Variants in MELK observed in about 807,000 individuals in gnomAD.
The protein encoded by MELK is maternal embryonic leucine zipper kinase.
MELK carries 81 observed loss-of-function variants against 85.0 expected under a neutral mutation model. The observed-to-expected ratio is 0.95, with a 90% CI of 0.80 to 1.15. The LOEUF (loss-of-function observed/expected upper bound fraction) is 1.15. Ranked by LOEUF, MELK falls within the 50% of genes most tolerant of loss-of-function variation. MELK has a pLI of 0.00. For missense variants in MELK, 754 were observed against 777.5 expected (o/e 0.97, Z 0.36); for synonymous variants, 252 against 265.0 (o/e 0.95, Z 0.48).
At chr9:36,640,674 T>C (rs749991384) in intron 10 of MELK, among the ~76,000 whole-genome samples, 21 of 152,180 alleles carry the variant, frequency 1.4e-4, no homozygotes, top group Admixed American at 6.5e-4. Context: ...AGTCTCCAAC[T>C]CCTGGCTTCA....
intron 12 of MELK, among the ~76,000 whole-genome samples, chr9:36,652,644 C>A (rs958044662): frequency 2.0e-5 from 3 of 148,670 alleles, no homozygotes; most frequent in South Asian, 2.1e-4. Flanking sequence ...GCAGGAGAAT[C>A]GCTTGAACCC....
intron 7 of MELK, chr9:36,606,747 AT>A (rs1357884431): frequency 6.8e-6 from 1 of 147,950 alleles, no homozygotes; most frequent in African/African-American, 2.5e-5. Flanking sequence ...ATATACATAT[AT>A]AATATATATA....
intron 8 of MELK, among the ~76,000 whole-genome samples, chr9:36,611,678 C>T (rs149852306): frequency 2.0e-4 from 31 of 151,870 alleles, no homozygotes; most frequent in African/African-American, 6.8e-4. Context: ...TGAAATAACA[C>T]GGCATAGGGT....
intron 1 of MELK, among the ~76,000 whole-genome samples, chr9:36,580,056 T>A (rs1159633036): frequency 6.7e-6 from 1 of 148,636 alleles, no homozygotes; most frequent in Admixed American, 6.7e-5. Context: ...TTTTTTTTTT[T>A]TTTTATTTTG....
At chr9:36,576,646 C>T (rs1475530687) in intron 1 of MELK, among the ~76,000 whole-genome samples, 1 of 152,146 alleles carries the variant, frequency 6.6e-6, no homozygotes, top group African/African-American at 2.4e-5. Flanking sequence ...ATTCTCCTTC[C>T]TCAGCCTCCC....
chr9:36,615,115 G>C (rs1430262761), intron 8 of MELK, among the ~76,000 whole-genome samples: 1 of 145,140 alleles, frequency 6.9e-6, no homozygotes, highest in Admixed American at 6.7e-5. Flanking sequence ...TGGCCGGGCA[G>C]AGGGGCTCCT....
At chr9:36,668,581 C>T (rs998214165) in intron 14 of MELK, among the ~76,000 whole-genome samples, 20 of 136,858 alleles carry the variant, frequency 1.5e-4, no homozygotes, top group East Asian at 2.2e-4. Flanking sequence ...GGCGCGATCT[C>T]GGCTCACTGC....
rs751356487 is a variant in MELK, at chr9:36,674,884, G to C, written c.1725G>C (p.Leu575Phe). 1.9e-6 allele frequency: 3 copies of C among 1,600,670 alleles called. No homozygotes were observed. In the East Asian group the frequency reaches 6.7e-5, roughly 36 times the overall value. ...GATTAGTGAATCCAGATCAACTGTTGAATGAAATAATGTCTATTCTTCCAA... is the reference window on the plus strand; with the variant it reads ...GATTAGTGAATCCAGATCAACTGTTCAATGAAATAATGTCTATTCTTCCAA... ...TTRLVNPDQL[L>F]NEIMSILPKK... is the part of the protein sequence containing the mutation. Residue 575 changes from leucine to phenylalanine, a missense_variant, in exon 17 of 18, where the codon TTG becomes TTC. Coordinates refer to ENST00000298048, the MANE Select transcript of MELK (RefSeq NM_014791.4).
At chr9:36,637,078 T>G (rs1176075024) in intron 10 of MELK, among the ~76,000 whole-genome samples, 1 of 151,476 alleles carries the variant, frequency 6.6e-6, no homozygotes, top group African/African-American at 2.4e-5. Flanking sequence ...GTTATCCGCC[T>G]GCCTCGGCCT....
intron 13 of MELK, among the ~76,000 whole-genome samples, chr9:36,661,214 A>G (rs567328454): frequency 6.6e-6 from 1 of 152,244 alleles, no homozygotes; most frequent in South Asian, 2.1e-4. Context: ...AAGAATGGGG[A>G]TAGGTAGGGC....
chr9:36,615,782 CT>C (rs1360454428), intron 8 of MELK, among the ~76,000 whole-genome samples: 1 of 150,186 alleles, frequency 6.7e-6, no homozygotes, highest in Non-Finnish European at 1.5e-5. Context: ...ACGCTCCTCA[CT>C]TCCTAGATGT....
In MELK at chr9:36,594,646, C is replaced by T. The variant is rs767342062; in HGVS notation, c.280C>T (p.Leu94=). 2.3e-5 allele frequency: 37 copies of T among 1,613,792 alleles called. No individual in the cohort carries two copies. The highest frequency in any genetic ancestry group is 3.1e-5 in the Non-Finnish European group (36 of 1,179,980). The change falls in exon 5 of 18, where the codon CTG becomes TTG. Residue 94 remains leucine (L), a synonymous_variant. Transcript: ENST00000298048. ...GTTGAAGTACTGCCCTGGAGGAGAG[C>T]TGTTTGACTATATAATTTCCCAGGA... ...MVLEYCPGGE[L]FDYIISQDRL...
At chr9:36,591,941 A>G (rs1057440516) in intron 4 of MELK, among the ~76,000 whole-genome samples, 11 of 151,896 alleles carry the variant, frequency 7.2e-5, no homozygotes, top group Non-Finnish European at 1.6e-4. Context: ...AAAAAGGTAC[A>G]GGGAGTATAT....
At chr9:36,656,434 A>G (rs917414255) in intron 12 of MELK, among the ~76,000 whole-genome samples, 4 of 152,064 alleles carry the variant, frequency 2.6e-5, no homozygotes, top group African/African-American at 2.4e-5. Context: ...TTGAACTGAA[A>G]TTTTCTGACT....
At chr9:36,646,652 C>A (rs1033562674) in intron 11 of MELK, among the ~76,000 whole-genome samples, 12 of 152,194 alleles carry the variant, frequency 7.9e-5, no homozygotes, top group African/African-American at 2.7e-4. Flanking sequence ...GGGACCTTCA[C>A]TAAGGGTCAC....
chr9:36,579,672 T>C (rs1223570463), intron 1 of MELK, among the ~76,000 whole-genome samples: 4 of 152,196 alleles, frequency 2.6e-5, no homozygotes, highest in African/African-American at 9.7e-5. Flanking sequence ...GCATTAGCAG[T>C]TTTTCCAGAC....
chr9:36,665,117 T>TATAC lies in MELK; in HGVS notation c.1177-231_1177-228dup, dbSNP rs534346082. ...ATATTGCCTAGGATCTGAGTATGTG[T>TATAC]ATACACTCAGCCTGTATCATGTTGA... is the stretch of plus-strand genomic sequence containing the variant. On this transcript the variant is annotated intron_variant, in intron 13 of 17. Transcript: ENST00000298048. 1.8e-3 allele frequency among the ~76,000 whole-genome samples: 274 copies of TATAC among 152,290 alleles called. 1 individual carries two copies. The highest frequency in any genetic ancestry group is 8.9e-3 in the South Asian group (43 of 4,826).
intron 8 of MELK, among the ~76,000 whole-genome samples, chr9:36,627,622 G>A (rs750591467): frequency 8.7e-5 from 13 of 150,244 alleles, no homozygotes; most frequent in Non-Finnish European, 1.6e-4. Flanking sequence ...TGCCTCTCTG[G>A]TTCCAGTGAT....
intron 13 of MELK, among the ~76,000 whole-genome samples, chr9:36,661,907 A>G (rs908052796): frequency 1.3e-5 from 2 of 150,646 alleles, no homozygotes; most frequent in African/African-American, 4.9e-5. Context: ...ACTGCACTCC[A>G]GCCTAGGTGA....
Sources: allele counts gnomAD v4.1 joint callset (sites outside exome capture counted in the v4.1 genomes callset), GRCh38; gene constraint gnomAD v4.1.1; transcripts MANE v1.5; gene names NCBI Gene and HGNC (gene_info 2026-07-23, HGNC 2026-07-21).